Variants in PTPRD observed in about 807,000 individuals in gnomAD.
PTPRD encodes receptor-type tyrosine-protein phosphatase delta.
In PTPRD, 34 loss-of-function variants were observed where a neutral mutation model predicts 214.5. That is an observed-to-expected ratio of 0.16 (90% CI 0.12 to 0.21). The LOEUF is 0.21. Ranked by LOEUF, PTPRD falls within the 10% of genes least tolerant of loss-of-function variation. The probability of loss-of-function intolerance (pLI) is 1.00; values close to 1 mark genes in which losing one functional copy is unlikely to be tolerated. For missense variants in PTPRD, 2,545 were observed against 2,398.7 expected (o/e 1.06, Z -1.27); for synonymous variants, 1,128 against 845.7 (o/e 1.33, Z -5.79).
intron 5 of PTPRD, among the ~76,000 whole-genome samples, chr9:9,821,751 G>C (rs953794882): frequency 2.0e-5 from 3 of 151,726 alleles, no homozygotes; most frequent in African/African-American, 7.3e-5. Flanking sequence ...GACTTTGAGA[G>C]ATAACTACAT....
intron 8 of PTPRD, among the ~76,000 whole-genome samples, chr9:9,420,502 T>C (rs2142440266): frequency 6.6e-6 from 1 of 152,012 alleles, no homozygotes; most frequent in East Asian, 1.9e-4. Context: ...ACCTACACTG[T>C]AATCGGGGAA....
At chr9:8,465,133 G>T (rs529068497) in intron 32 of PTPRD, among the ~76,000 whole-genome samples, 18 of 152,012 alleles carry the variant, frequency 1.2e-4, no homozygotes, top group Non-Finnish European at 2.2e-4. Flanking sequence ...ATTTTGAAAG[G>T]ATGATGGAAG....
chr9:9,964,464 A>G (rs1440860665), intron 4 of PTPRD, among the ~76,000 whole-genome samples: 1 of 152,204 alleles, frequency 6.6e-6, no homozygotes, highest in Non-Finnish European at 1.5e-5. Context: ...TAAAATCTAA[A>G]GAAGCTTAGC....
intron 33 of PTPRD, among the ~76,000 whole-genome samples, chr9:8,456,023 C>T (rs1429279596): frequency 6.6e-6 from 1 of 152,134 alleles, no homozygotes; most frequent in African/African-American, 2.4e-5. Context: ...GATTTTATTG[C>T]AACTCTTGCC....
chr9:9,208,877 G>A (rs974641188), intron 9 of PTPRD, among the ~76,000 whole-genome samples: 7 of 151,356 alleles, frequency 4.6e-5, no homozygotes, highest in African/African-American at 1.7e-4. Context: ...GCGCGATCCC[G>A]GCTCACTGCA....
chr9:8,926,522 G>A lies in PTPRD; in HGVS notation c.-104+92175C>T, dbSNP rs918752689. Among the ~76,000 whole-genome samples the A allele has an allele frequency of 2.0e-5, 3 of 152,084 alleles. No individual in the cohort carries two copies. In the East Asian group the frequency reaches 5.8e-4, roughly 29 times the overall value. On this transcript the variant is annotated intron_variant, in intron 11 of 45. Coordinates refer to ENST00000381196, the MANE Select transcript of PTPRD (RefSeq NM_002839.4). ...TGAACTCTAGAAAGGAAAGTTCTGT[G>A]TTTTAACTGAAAATTTCTTATTCAC...
intron 3 of PTPRD, among the ~76,000 whole-genome samples, chr9:10,196,065 A>C (rs1421566354): frequency 6.6e-6 from 1 of 152,208 alleles, no homozygotes; most frequent in Non-Finnish European, 1.5e-5. Context: ...AATATTTCAT[A>C]ACTAGATTGT....
chr9:8,833,013 G>GAA (rs936723021), intron 11 of PTPRD, among the ~76,000 whole-genome samples: 1 of 150,934 alleles, frequency 6.6e-6, no homozygotes, highest in Middle Eastern at 3.2e-3. Context: ...CTTTGCAGAT[G>GAA]AAAAAAAAAT....
chr9:9,771,321 T>C (rs1050388907), intron 5 of PTPRD, among the ~76,000 whole-genome samples: 2 of 152,206 alleles, frequency 1.3e-5, no homozygotes, highest in African/African-American at 4.8e-5. Flanking sequence ...TGTGTGTATA[T>C]ATAAGCTGCA....
At chr9:9,541,876 G>C (rs1272466001) in intron 8 of PTPRD, among the ~76,000 whole-genome samples, 4 of 151,714 alleles carry the variant, frequency 2.6e-5, no homozygotes, top group African/African-American at 9.7e-5. Flanking sequence ...ATTGAATGTT[G>C]GGTGGGGAAG....
intron 9 of PTPRD, among the ~76,000 whole-genome samples, chr9:9,389,411 G>A (rs955048257): frequency 2.0e-5 from 3 of 152,116 alleles, no homozygotes; most frequent in Non-Finnish European, 4.4e-5. Context: ...TCGGGAGGCT[G>A]AGGTAGGAGA....
At chr9:9,560,967 AC>A (rs1210768598) in intron 8 of PTPRD, among the ~76,000 whole-genome samples, 1 of 151,980 alleles carries the variant, frequency 6.6e-6, no homozygotes, top group Non-Finnish European at 1.5e-5. Flanking sequence ...TATCTGCAAG[AC>A]AGGTAGCCTT....
chr9:9,711,632 T>C (rs1030115142), intron 7 of PTPRD, among the ~76,000 whole-genome samples: 1 of 152,168 alleles, frequency 6.6e-6, no homozygotes, highest in Non-Finnish European at 1.5e-5. Context: ...AGGGTAAACT[T>C]ACTCTCCAAA....
chr9:9,574,186 C>G (rs543739993), intron 8 of PTPRD, among the ~76,000 whole-genome samples: 40 of 151,852 alleles, frequency 2.6e-4, no homozygotes, highest in Admixed American at 2.5e-3. Context: ...TTTTGACAAA[C>G]CTTATTGAAT....
At chr9:8,449,671 C>G in intron 34 of PTPRD, 54 bp downstream of exon 34, 1 of 1,494,738 alleles carries the variant, frequency 6.7e-7, no homozygotes, top group Non-Finnish European at 9.3e-7. Flanking sequence ...ATCAATTGAG[C>G]TGTACAACTT....
rs1006227351 is a variant in PTPRD at position 9,292,677 on chromosome 9, A to G, written c.-203+104772T>C. On this transcript the variant is annotated intron_variant, in intron 9 of 45. Coordinates refer to ENST00000381196, the MANE Select transcript of PTPRD (RefSeq NM_002839.4). ...TTACCTAATGTCCTTTTTCTGTTCC[A>G]GGATTCCATCCAAGATACCACATTA... Among the ~76,000 whole-genome samples the G allele has an allele frequency of 7.3e-5, 11 of 151,100 alleles. No homozygotes were observed. In the East Asian group the frequency reaches 2.0e-3, roughly 27 times the overall value.
intron 12 of PTPRD, among the ~76,000 whole-genome samples, chr9:8,723,702 C>A (rs1032368432): frequency 3.0e-4 from 45 of 152,138 alleles, no homozygotes; most frequent in Middle Eastern, 3.2e-3. Flanking sequence ...TAGTGACAAA[C>A]AATGGCATTT....
chr9:9,078,198 A>T (rs1569531577), intron 10 of PTPRD, among the ~76,000 whole-genome samples: 1 of 152,138 alleles, frequency 6.6e-6, no homozygotes, highest in African/African-American at 2.4e-5. Flanking sequence ...ACATAACATT[A>T]TGTAAACGTC....
intron 10 of PTPRD, among the ~76,000 whole-genome samples, chr9:9,039,867 C>A (rs967165653): frequency 6.6e-6 from 1 of 152,090 alleles, no homozygotes; most frequent in South Asian, 2.1e-4. Context: ...AATATCTGAG[C>A]TCAAAGCTGG....
Sources: gnomAD v4.1 joint callset for allele counts (sites outside exome capture counted in the v4.1 genomes callset) on GRCh38, gnomAD v4.1.1 for gene constraint, MANE v1.5 for transcripts, NCBI Gene and HGNC (gene_info 2026-07-23, HGNC 2026-07-21) for gene names.